The following TAAR5 variants were observed in gnomAD, a reference collection of about 807,000 sequenced individuals.
TAAR5 encodes the protein trace amine associated receptor 5.
TAAR5 carries 27 observed loss-of-function variants against 21.1 expected under a neutral mutation model. The observed-to-expected ratio is 1.28, with a 90% confidence interval of 0.94 to 1.76. The LOEUF (loss-of-function observed/expected upper bound fraction) is 1.76. Ranked by LOEUF, TAAR5 falls within the 40% of genes most tolerant of loss-of-function variation. The pLI, the probability that TAAR5 is intolerant of heterozygous loss-of-function variation, is 0.00. For synonymous variants in TAAR5, 203 were observed against 167.5 expected, an observed-to-expected ratio of 1.21 and a Z score of -1.64; for missense variants, 495 against 405.6, an observed-to-expected ratio of 1.22 and a Z score of -1.89.
upstream of TAAR5, among the ~76,000 whole-genome samples, chr6:132,590,657 A>C (rs1776893243): frequency 6.6e-6 from 1 of 152,248 alleles, no homozygotes; most frequent in Non-Finnish European, 1.5e-5. Flanking sequence ...TATGATACAA[A>C]TAAGCTGTGA....
chr6:132,608,561 C>T, the TAAR5 span: 1 of 455,842 alleles, frequency 2.2e-6, no homozygotes, highest in Non-Finnish European at 4.4e-6. Flanking sequence ...TTCACTGCCC[C>T]CTTTGTGTTT....
the TAAR5 span, among the ~76,000 whole-genome samples, chr6:132,596,697 G>T: frequency 6.6e-6 from 1 of 151,836 alleles, no homozygotes; most frequent in Non-Finnish European, 1.5e-5. Context: ...AAACAATTAA[G>T]TTGTACTTGA....
chr6:132,605,037 T>C, the TAAR5 span, among the ~76,000 whole-genome samples: 3 of 152,320 alleles, frequency 2.0e-5, no homozygotes, highest in African/African-American at 7.2e-5. Context: ...CTGGGATAAG[T>C]ACCCGATTTC....
At chr6:132,615,203 A>G in the TAAR5 span, among the ~76,000 whole-genome samples, 2 of 152,094 alleles carry the variant, frequency 1.3e-5, no homozygotes, top group Non-Finnish European at 2.9e-5. Flanking sequence ...AGGCAATTTT[A>G]TATCTGATTT....
chr6:132,607,644 A>G, the TAAR5 span, among the ~76,000 whole-genome samples: 1 of 152,336 alleles, frequency 6.6e-6, no homozygotes, highest in East Asian at 1.9e-4. Flanking sequence ...TCGCAAAGGC[A>G]AAAGCTCAAA....
At chr6:132,614,713 C>A in the TAAR5 span, among the ~76,000 whole-genome samples, 2 of 152,140 alleles carry the variant, frequency 1.3e-5, no homozygotes, top group Non-Finnish European at 2.9e-5. Flanking sequence ...CTTCTGCTCT[C>A]AGGAGAATTG....
the TAAR5 span, among the ~76,000 whole-genome samples, chr6:132,603,605 G>A: frequency 1.8e-3 from 274 of 151,876 alleles, 2 homozygotes; most frequent in African/African-American, 6.3e-3. Context: ...AGAGAATTTA[G>A]CATGTTAAAA....
At chr6:132,593,022 A>C (rs929919047), upstream of TAAR5, among the ~76,000 whole-genome samples, 1 of 152,120 alleles carries the variant, frequency 6.6e-6, no homozygotes, top group Middle Eastern at 3.2e-3. Flanking sequence ...CAGTGGGTGA[A>C]AGTACTTGCT....
the TAAR5 span, among the ~76,000 whole-genome samples, chr6:132,607,869 T>C: frequency 2.2e-4 from 33 of 152,298 alleles, no homozygotes; most frequent in African/African-American, 7.7e-4. Flanking sequence ...CCTGAATTCC[T>C]AGAATGGTAT....
chr6:132,608,765 C>T, the TAAR5 span: 181,204 of 455,412 alleles, frequency 0.4, 40,274 homozygotes, highest in African/African-American at 0.73. Context: ...CCGGAAACAT[C>T]GGCCTCAGAT....
At chr6:132,611,766 G>A in the TAAR5 span, among the ~76,000 whole-genome samples, 3 of 152,136 alleles carry the variant, frequency 2.0e-5, no homozygotes, top group Non-Finnish European at 2.9e-5. Context: ...AGACTCTCTT[G>A]TGTCCTATAC....
chr6:132,604,473 C>G, the TAAR5 span, among the ~76,000 whole-genome samples: 1 of 151,636 alleles, frequency 6.6e-6, no homozygotes, highest in Non-Finnish European at 1.5e-5. Context: ...AAAAAGAACA[C>G]AGAAAACTCA....
At chr6:132,597,756 G>A in the TAAR5 span, among the ~76,000 whole-genome samples, 1 of 152,136 alleles carries the variant, frequency 6.6e-6, no homozygotes, top group Non-Finnish European at 1.5e-5. Flanking sequence ...CTTCTAGGAG[G>A]CAGAAAGAAA....
the TAAR5 span, among the ~76,000 whole-genome samples, chr6:132,606,459 C>A: frequency 6.6e-6 from 1 of 152,066 alleles, no homozygotes; most frequent in Non-Finnish European, 1.5e-5. Context: ...TGTCTACTGT[C>A]CTATGAGACT....
At chr6:132,606,745 G>A in the TAAR5 span, among the ~76,000 whole-genome samples, 1 of 152,204 alleles carries the variant, frequency 6.6e-6, no homozygotes, top group Non-Finnish European at 1.5e-5. Flanking sequence ...CTTCGAGACG[G>A]AAGTTGAGCC....
the TAAR5 span, among the ~76,000 whole-genome samples, chr6:132,603,840 A>G: frequency 6.6e-6 from 1 of 152,118 alleles, no homozygotes; most frequent in Admixed American, 6.5e-5. Flanking sequence ...TCAGTAAGAG[A>G]ACTTGAGCAT....
Position 132,589,646 on chromosome 6 carries a change from G to T in TAAR5, c.41C>A (p.Ala14Glu), listed in dbSNP as rs530575584. 10 of 1,605,302 alleles carry T rather than the reference G, an allele frequency of 6.2e-6. No homozygotes were observed. The highest frequency in any genetic ancestry group is 8.5e-6 in the Non-Finnish European group (10 of 1,176,506). The change falls in exon 1 of 1, where the codon GCG becomes GAG. Residue 14 changes from alanine (A) to glutamate (E), a missense_variant. Physicochemically the swap from Ala to Glu is moderately radical, Grantham distance 107. Transcript: ENST00000258034. ...VFIQGAEEHP[A>E]AFCYQVNGSC... Reference sequence around the variant, plus strand: ...CCCATTCACCTGGTAGCAGAATGCCGCAGGGTGCTCTTCAGCACCTTGGAT... The same window carrying T: ...CCCATTCACCTGGTAGCAGAATGCCTCAGGGTGCTCTTCAGCACCTTGGAT...
chr6:132,615,958 C>T, the TAAR5 span, among the ~76,000 whole-genome samples: 29 of 151,640 alleles, frequency 1.9e-4, no homozygotes, highest in South Asian at 4.2e-4. Flanking sequence ...TACTTAGCCT[C>T]GGTGCAAGTG....
At chr6:132,612,743 T>C in the TAAR5 span, among the ~76,000 whole-genome samples, 280 of 152,288 alleles carry the variant, frequency 1.8e-3, 1 homozygote, top group Non-Finnish European at 3.0e-3. Context: ...ATCTACCACT[T>C]AGAGGAGTTG....
Sources: gnomAD v4.1 joint callset for allele counts (sites outside exome capture counted in the v4.1 genomes callset) on GRCh38, gnomAD v4.1.1 for gene constraint, MANE v1.5 for transcripts, NCBI Gene and HGNC (gene_info 2026-07-23, HGNC 2026-07-21) for gene names.